Variants in GET1 observed in about 807,000 individuals in gnomAD.
GET1 encodes the protein guided entry of tail-anchored proteins factor 1, also known as congenital heart disease 5 protein.
Under a neutral mutation model 22.6 loss-of-function variants are expected in GET1, and 20 were observed. The observed-to-expected ratio is 0.89, with a 90% CI of 0.62 to 1.29. GET1 has a LOEUF of 1.29. GET1 is among the 50% of genes most tolerant of loss of function. GET1 has a pLI of 0.00. For synonymous variants in GET1, 92 were observed against 83.8 expected (o/e 1.10, Z -0.53); for missense variants, 209 against 219.9 (o/e 0.95, Z 0.31).
intron 1 of GET1, among the ~76,000 whole-genome samples, chr21:39,419,164 T>G (rs2041834797): frequency 6.6e-6 from 1 of 152,138 alleles, no homozygotes; most frequent in African/African-American, 2.4e-5. Flanking sequence ...CCCCCCACTA[T>G]TCTTCTCCTG....
chr21:39,423,924 G>A (rs1473206253), intron 1 of GET1, among the ~76,000 whole-genome samples: 1 of 152,184 alleles, frequency 6.6e-6, no homozygotes, highest in Non-Finnish European at 1.5e-5. Context: ...GGAGGCTGCA[G>A]TGGGAGGACT....
intron 4 of GET1, among the ~76,000 whole-genome samples, chr21:39,393,971 T>TA (rs771305352): frequency 6.6e-6 from 1 of 152,166 alleles, no homozygotes; most frequent in African/African-American, 2.4e-5. Flanking sequence ...TTTTTGAAGA[T>TA]AAATTTTTTT....
In GET1 at chr21:39,380,452, T is replaced by A; in HGVS notation, c.68T>A (p.Val23Asp). The A allele has an allele frequency of 6.2e-7, 1 of 1,613,392 alleles. No individual in the cohort carries two copies. The highest frequency in any genetic ancestry group is 8.5e-7 in the Non-Finnish European group (1 of 1,179,740). The part of the protein sequence containing the change: ...LVLSFVFGCN[V>D]LRILLPSFSS... ...CTCAGCTTCGTGTTTGGATGCAATGTTCTTAGGATCCTCCTCCCGTCCTTC... is the reference window on the plus strand; with the variant it reads ...CTCAGCTTCGTGTTTGGATGCAATGATCTTAGGATCCTCCTCCCGTCCTTC... The change falls in exon 1 of 5, where the codon GTT becomes GAT. Residue 23 changes from valine to aspartate, a missense_variant. Physicochemically the swap from Val to Asp is radical, Grantham distance 152. Coordinates refer to ENST00000649170, the MANE Select transcript of GET1 (RefSeq NM_004627.6).
downstream of GET1, among the ~76,000 whole-genome samples, chr21:39,398,982 C>T (rs940721707): frequency 4.6e-5 from 7 of 152,218 alleles, no homozygotes; most frequent in Non-Finnish European, 7.3e-5. Flanking sequence ...TCAGCCGATC[C>T]ACCCGCCTCG....
chr21:39,392,088 T>A (rs1425545713), intron 3 of GET1: 2 of 469,418 alleles, frequency 4.3e-6, no homozygotes, highest in Non-Finnish European at 7.6e-6. Context: ...CTCGGAGAGC[T>A]TTCACCATGC....
intron 1 of GET1, among the ~76,000 whole-genome samples, chr21:39,416,345 A>G (rs1365147965): frequency 6.6e-6 from 1 of 152,214 alleles, no homozygotes; most frequent in Admixed American, 6.5e-5. Flanking sequence ...TTGATCCTCA[A>G]ATATCCCCAT....
intron 1 of GET1, among the ~76,000 whole-genome samples, chr21:39,425,556 G>C (rs1423648042): frequency 6.6e-6 from 1 of 152,194 alleles, no homozygotes; most frequent in Non-Finnish European, 1.5e-5. Context: ...CCAGCCTCTA[G>C]GACATCTACT....
chr21:39,390,457 G>A (rs2038225519), intron 1 of GET1, among the ~76,000 whole-genome samples: 1 of 152,186 alleles, frequency 6.6e-6, no homozygotes. Flanking sequence ...TTGTCATGGT[G>A]GGGCTAGTTT....
intron 4 of GET1, 140 bp downstream of exon 4, chr21:39,393,420 CTTCCCA>C: frequency 4.5e-6 from 3 of 663,300 alleles, no homozygotes; most frequent in Non-Finnish European, 7.7e-6. Flanking sequence ...TCACATGAGG[CTTCCCA>C]TGAAGAAACT....
intron 1 of GET1, among the ~76,000 whole-genome samples, chr21:39,382,990 GC>G (rs1423751193): frequency 6.6e-6 from 1 of 151,158 alleles, no homozygotes; most frequent in Non-Finnish European, 1.5e-5. Context: ...TTGCTCCGTT[GC>G]CCAGGCTGGA....
intron 1 of GET1, among the ~76,000 whole-genome samples, chr21:39,387,245 T>A: frequency 6.6e-6 from 1 of 152,222 alleles, no homozygotes; most frequent in South Asian, 2.1e-4. Flanking sequence ...TGCCTTCAGT[T>A]TTCCTGAAGT....
At chr21:39,392,413 G>A (rs1417515613) in intron 3 of GET1, among the ~76,000 whole-genome samples, 3 of 152,064 alleles carry the variant, frequency 2.0e-5, no homozygotes, top group Non-Finnish European at 4.4e-5. Context: ...CATGTGATCC[G>A]GTAACCAAGG....
chr21:39,426,910 G>A (rs200030333), intron 1 of GET1, among the ~76,000 whole-genome samples: 1 of 152,304 alleles, frequency 6.6e-6, no homozygotes, highest in East Asian at 1.9e-4. Flanking sequence ...TCTGATGAAA[G>A]GTACAGGGCC....
downstream of GET1, among the ~76,000 whole-genome samples, chr21:39,401,361 C>T (rs770729743): frequency 6.6e-6 from 1 of 151,860 alleles, no homozygotes; most frequent in East Asian, 1.9e-4. Flanking sequence ...TTTCCTGAGT[C>T]TTTTTAAAAA....
intron 1 of GET1, chr21:39,423,108 T>C: frequency 6.2e-7 from 1 of 1,613,910 alleles, no homozygotes; most frequent in South Asian, 1.1e-5. Context: ...TAGTCTTCAG[T>C]AACTGGCTGT....
At chr21:39,399,639 C>T (rs1222380372), downstream of GET1, among the ~76,000 whole-genome samples, 1 of 152,040 alleles carries the variant, frequency 6.6e-6, no homozygotes, top group Non-Finnish European at 1.5e-5. Flanking sequence ...TGGGGTTTCA[C>T]TATGTTGGCC....
chr21:39,380,421 C>T lies in GET1; in HGVS notation c.37C>T (p.Leu13=), dbSNP rs369920213. Residue 13 remains leucine, a synonymous_variant, in exon 1 of 5, where the codon CTG becomes TTG. Transcript: ENST00000649170. ...SAAADHWAWL[L]VLSFVFGCNV... ...CGCGGCCGACCACTGGGCGTGGTTGCTGGTGCTCAGCTTCGTGTTTGGATG... is the reference window on the plus strand; with the variant it reads ...CGCGGCCGACCACTGGGCGTGGTTGTTGGTGCTCAGCTTCGTGTTTGGATG... 7.4e-6 allele frequency: 12 copies of T among 1,612,424 alleles called. No homozygotes were observed. The South Asian group carries it at 8.8e-5, about 12-fold the overall frequency.
intron 1 of GET1, among the ~76,000 whole-genome samples, chr21:39,387,205 C>T (rs2037964097): frequency 1.3e-5 from 2 of 152,160 alleles, no homozygotes; most frequent in Non-Finnish European, 2.9e-5. Context: ...TTTTTTCAAG[C>T]ACCAGTTGTT....
At chr21:39,410,815 C>T (rs1056511922), downstream of GET1, 11 of 470,798 alleles carry the variant, frequency 2.3e-5, no homozygotes, top group African/African-American at 1.4e-4. Context: ...AACAACCCCT[C>T]GGTTGATTCA....
Sources: allele counts gnomAD v4.1 joint callset (sites outside exome capture counted in the v4.1 genomes callset), GRCh38; gene constraint gnomAD v4.1.1; transcripts MANE v1.5; gene names NCBI Gene and HGNC (gene_info 2026-07-23, HGNC 2026-07-21).